The following HYCC2 variants were observed in gnomAD, a reference collection of about 807,000 sequenced individuals.
The protein encoded by HYCC2 is hyccin PI4KA lipid kinase complex subunit 2, also known as hyccin 2.
the HYCC2 span, among the ~76,000 whole-genome samples, chr2:201,011,720 C>A: frequency 1.3e-5 from 2 of 152,008 alleles, no homozygotes; most frequent in African/African-American, 4.8e-5. Flanking sequence ...TATACTAAAT[C>A]AAATACAATA....
the HYCC2 span, chr2:201,021,913 C>A: frequency 2.5e-6 from 1 of 403,626 alleles, no homozygotes; most frequent in Non-Finnish European, 4.8e-6. Flanking sequence ...GCAATTGCTG[C>A]TACAAATAGC....
chr2:201,060,041 T>C, the HYCC2 span, among the ~76,000 whole-genome samples: 5 of 101,808 alleles, frequency 4.9e-5, no homozygotes, highest in Admixed American at 6.6e-4. Context: ...CAAAACTCTG[T>C]CTAAAAAAAA....
chr2:201,065,957 C>T, the HYCC2 span, among the ~76,000 whole-genome samples: 2 of 152,236 alleles, frequency 1.3e-5, no homozygotes, highest in African/African-American at 4.8e-5. Flanking sequence ...GGAACAGAAA[C>T]ATTTGAGTCT....
At chr2:201,061,522 T>G in the HYCC2 span, 2 of 152,070 alleles carry the variant, frequency 1.3e-5, no homozygotes, top group Non-Finnish European at 2.9e-5. Flanking sequence ...TCATAATCAA[T>G]TAAGGCTGAT....
At chr2:201,060,533 T>A in the HYCC2 span, among the ~76,000 whole-genome samples, 1 of 152,142 alleles carries the variant, frequency 6.6e-6, no homozygotes, top group Non-Finnish European at 1.5e-5. Flanking sequence ...CATTAGGTAA[T>A]CTTGAAAGTA....
chr2:200,991,563 C>A, the HYCC2 span, among the ~76,000 whole-genome samples: 1 of 146,134 alleles, frequency 6.8e-6, no homozygotes, highest in Non-Finnish European at 1.5e-5. Flanking sequence ...AGCAAGACTC[C>A]GTCTCAAAAA....
At chr2:201,018,587 G>C in the HYCC2 span, among the ~76,000 whole-genome samples, 1 of 152,122 alleles carries the variant, frequency 6.6e-6, no homozygotes, top group Non-Finnish European at 1.5e-5. Context: ...GAATTCTAAA[G>C]CTTAAAAAAT....
At chr2:201,006,689 T>C in the HYCC2 span, among the ~76,000 whole-genome samples, 1 of 152,186 alleles carries the variant, frequency 6.6e-6, no homozygotes, top group African/African-American at 2.4e-5. Flanking sequence ...TAATTGTTAA[T>C]GACTGACTGG....
the HYCC2 span, among the ~76,000 whole-genome samples, chr2:201,005,016 CAA>C: frequency 1.1e-4 from 6 of 56,590 alleles, no homozygotes; most frequent in Admixed American, 3.8e-4. Context: ...GACTCCATCT[CAA>C]AAAAAAAAAA....
the HYCC2 span, among the ~76,000 whole-genome samples, chr2:201,056,086 C>T: frequency 6.6e-6 from 1 of 151,900 alleles, no homozygotes; most frequent in East Asian, 1.9e-4. Context: ...CCCAGCTACT[C>T]AGGAGGCTGA....
At chr2:200,979,488 A>G in the HYCC2 span, 1 of 152,542 alleles carries the variant, frequency 6.6e-6, no homozygotes, top group Non-Finnish European at 1.5e-5. Flanking sequence ...TAGGGAAAAA[A>G]GAAAGTCCTT....
At chr2:201,024,803 C>T in the HYCC2 span, among the ~76,000 whole-genome samples, 1 of 152,042 alleles carries the variant, frequency 6.6e-6, no homozygotes, top group South Asian at 2.1e-4. Context: ...CTGAAGAAAA[C>T]AGATCCATAA....
the HYCC2 span, among the ~76,000 whole-genome samples, chr2:201,030,539 A>G: frequency 0.011 from 1,718 of 151,484 alleles, 17 homozygotes; most frequent in Non-Finnish European, 0.017. Context: ...TGCTTTTTAC[A>G]TTTGTTAAAA....
the HYCC2 span, among the ~76,000 whole-genome samples, chr2:200,990,552 C>T: frequency 6.6e-6 from 1 of 151,986 alleles, no homozygotes; most frequent in Middle Eastern, 3.4e-3. Flanking sequence ...CAAGTGTGCA[C>T]CACCACATCC....
chr2:201,031,122 T>C, the HYCC2 span, among the ~76,000 whole-genome samples: 3 of 152,184 alleles, frequency 2.0e-5, no homozygotes, highest in Non-Finnish European at 1.5e-5. Context: ...AAATCTACTC[T>C]CAAAACTATA....
chr2:201,065,375 C>T, the HYCC2 span, among the ~76,000 whole-genome samples: 1 of 152,136 alleles, frequency 6.6e-6, no homozygotes. Flanking sequence ...CAGTTTTTGG[C>T]TATTAGGAAT....
chr2:201,017,277 A>G, the HYCC2 span: 1 of 833,640 alleles, frequency 1.2e-6, no homozygotes, highest in Admixed American at 3.1e-5. Flanking sequence ...AAAAGTCTTA[A>G]TATTAATTTC....
At chr2:201,017,601 C>T in the HYCC2 span, among the ~76,000 whole-genome samples, 2 of 152,156 alleles carry the variant, frequency 1.3e-5, no homozygotes, top group African/African-American at 4.8e-5. Context: ...AAATTATATA[C>T]CACTCTTACT....
the HYCC2 span, among the ~76,000 whole-genome samples, chr2:200,999,330 G>C: frequency 6.6e-6 from 1 of 151,676 alleles, no homozygotes; most frequent in Non-Finnish European, 1.5e-5. Flanking sequence ...ACCAATACTA[G>C]CTCAAATCAG....
Sources: allele counts gnomAD v4.1 joint callset (sites outside exome capture counted in the v4.1 genomes callset), GRCh38; gene constraint gnomAD v4.1.1; transcripts MANE v1.5; gene names NCBI Gene and HGNC (gene_info 2026-07-23, HGNC 2026-07-21).